The following SI variants were observed in gnomAD, a reference collection of about 807,000 sequenced individuals.
SI encodes the protein sucrase-isomaltase, intestinal.
Under a neutral mutation model 253.3 loss-of-function variants are expected in SI, and 235 were observed. The ratio of observed to expected loss-of-function variants is 0.93; its 90% CI spans 0.83 to 1.03. SI has a LOEUF of 1.03. SI is among the 50% of genes least tolerant of loss of function. The probability of loss-of-function intolerance (pLI) is 0.00; values close to 1 mark genes in which losing one functional copy is unlikely to be tolerated. For synonymous variants in SI, 819 were observed against 712.0 expected (o/e 1.15, Z -2.39); for missense variants, 2,442 against 2,211.1 (o/e 1.10, Z -2.09).
At chr3:165,048,988 A>G (rs1713283417) in intron 15 of SI, 139 bp downstream of exon 15, 1 of 674,920 alleles carries the variant, frequency 1.5e-6, no homozygotes, top group Non-Finnish European at 2.7e-6. Flanking sequence ...TTTGAATGCC[A>G]TAACTTTTTA....
At chr3:165,069,804 A>C in intron 3 of SI, among the ~76,000 whole-genome samples, 1 of 152,034 alleles carries the variant, frequency 6.6e-6, no homozygotes, top group South Asian at 2.1e-4. Flanking sequence ...TGAAAGAAAA[A>C]TTATAAATGT....
At chr3:164,998,035 G>A (rs973580250) in intron 38 of SI, among the ~76,000 whole-genome samples, 41 of 151,732 alleles carry the variant, frequency 2.7e-4, no homozygotes, top group African/African-American at 9.2e-4. Context: ...ATTCCTCTGG[G>A]TATATAACCA....
chr3:164,994,249 G>A lies in SI; in HGVS notation c.4841+8C>T. 1 of 1,609,130 alleles carries A rather than the reference G, an allele frequency of 6.2e-7. No individual in the cohort carries two copies. Among genetic ancestry groups the A allele is most frequent in the Admixed American group, 1.7e-5 (1 of 59,688 alleles). Reference sequence around the variant, plus strand: ...TCTGTGATAAGAGAAAACAAACTTTGTACTTACTCATGCAAAAGGGGTCGG... The same window carrying A: ...TCTGTGATAAGAGAAAACAAACTTTATACTTACTCATGCAAAAGGGGTCGG... On this transcript the variant is annotated splice_region_variant and intron_variant, in intron 41 of 47. Transcript: ENST00000264382.
At chr3:164,998,497 T>G in intron 38 of SI, 43 bp downstream of exon 38, 2 of 1,603,776 alleles carry the variant, frequency 1.2e-6, no homozygotes, top group South Asian at 2.2e-5. Context: ...GAGTATCTAA[T>G]AGAAAACACA....
intron 25 of SI, among the ~76,000 whole-genome samples, chr3:165,027,659 T>C (rs1027196417): frequency 4.0e-5 from 6 of 151,386 alleles, no homozygotes; most frequent in Admixed American, 1.3e-4. Context: ...GTTTCACATA[T>C]GCAAGTCAAT....
intron 17 of SI, among the ~76,000 whole-genome samples, chr3:165,041,754 T>C (rs144661596): frequency 1.1e-3 from 174 of 152,226 alleles, no homozygotes; most frequent in Non-Finnish European, 2.0e-3. Context: ...TGTTTAGACC[T>C]CTTGCTTTGG....
Position 164,994,386 on chromosome 3 carries a change from C to A in SI, c.4712G>T (p.Trp1571Leu). ...TGACATTTCAGCAAAAGTTTCATTCCAGGAAGCGGGATCTTGTCTCTGAAA... is the reference window on the plus strand; with the variant it reads ...TGACATTTCAGCAAAAGTTTCATTCAAGGAAGCGGGATCTTGTCTCTGAAA... Reference protein sequence around the residue: ...ANTRRQDPASWNETFAEMSRN... With the variant: ...ANTRRQDPASLNETFAEMSRN... The change falls in exon 41 of 48, where the codon TGG becomes TTG. Residue 1571 changes from tryptophan to leucine, a missense_variant. Physicochemically the swap from Trp to Leu is moderately conservative, Grantham distance 61. Coordinates refer to ENST00000264382, the MANE Select transcript of SI (RefSeq NM_001041.4). 6.2e-7 allele frequency: 1 copy of A among 1,610,762 alleles called. No individual in the cohort carries two copies. The highest frequency in any genetic ancestry group is 8.5e-7 in the Non-Finnish European group (1 of 1,177,674).
intron 25 of SI, among the ~76,000 whole-genome samples, chr3:165,029,733 A>G (rs1576896124): frequency 6.7e-6 from 1 of 150,090 alleles, no homozygotes; most frequent in East Asian, 2.0e-4. Context: ...AATTGTTCCC[A>G]CCTGTCCTTT....
At chr3:165,049,650 G>T (rs1713327584) in intron 14 of SI, 141 bp downstream of exon 14, 2 of 619,918 alleles carry the variant, frequency 3.2e-6, no homozygotes, top group African/African-American at 3.7e-5. Context: ...ATATTTGTCT[G>T]AAGAAAAGAT....
Position 165,075,883 on chromosome 3 carries a change from T to TGGTTG in SI, c.118+11_118+12insCAACC, listed in dbSNP as rs1442825282. 7.1e-7 allele frequency: 1 copy of TGGTTG among 1,417,900 alleles called. No individual in the cohort carries two copies. Among genetic ancestry groups the TGGTTG allele is most frequent in the South Asian group, 1.2e-5 (1 of 86,684 alleles). 87.8% of individuals were successfully genotyped at this position (1,417,900 alleles called of 1,614,324 possible). On this transcript the variant is annotated intron_variant, in intron 2 of 47. Transcript: ENST00000264382. ...CACGATAATGTAGCCATGCTTTTAA[T>TGGTTG]GTACTACTTACCATCAACAGCAGGT...
intron 22 of SI, among the ~76,000 whole-genome samples, chr3:165,035,691 AT>A (rs971865755): frequency 1.3e-5 from 2 of 151,492 alleles, no homozygotes; most frequent in Non-Finnish European, 3.0e-5. Context: ...ATAAATTATA[AT>A]TTTTATACTC....
At chr3:165,070,195 G>A (rs1714471374) in intron 3 of SI, among the ~76,000 whole-genome samples, 1 of 140,810 alleles carries the variant, frequency 7.1e-6, no homozygotes, top group East Asian at 2.0e-4. Context: ...TATATATAAA[G>A]TATATATTAT....
chr3:165,030,739 G>T lies in SI; in HGVS notation c.2865C>A (p.Cys955Ter), dbSNP rs2108202378. 6.2e-7 allele frequency: 1 copy of T among 1,608,882 alleles called. No individual in the cohort carries two copies. The highest frequency in any genetic ancestry group is 8.5e-7 in the Non-Finnish European group (1 of 1,176,766). Reference protein sequence around the residue: ...PDADLATEQKCTQRGCVWRTG... With the variant: ...PDADLATEQK ...TTCTCCATACACAGCCACGTTGTGT[G>T]CACTTTTGTTCAGTTGCCAAATCTG... The change falls in exon 25 of 48, where the codon TGC (cysteine) becomes TGA (stop). Residue 955 changes from cysteine (C) to a stop codon, truncating the protein, a stop_gained. Coordinates refer to ENST00000264382, the MANE Select transcript of SI (RefSeq NM_001041.4). LOFTEE classifies it high-confidence loss of function.
chr3:165,048,594 G>C (rs1418245885), intron 15 of SI, among the ~76,000 whole-genome samples: 1 of 147,674 alleles, frequency 6.8e-6, no homozygotes. Flanking sequence ...TAGAGAGAGA[G>C]AGAGAGAGAG....
intron 13 of SI, among the ~76,000 whole-genome samples, chr3:165,050,167 G>C (rs1713354108): frequency 6.6e-6 from 1 of 151,956 alleles, no homozygotes; most frequent in South Asian, 2.1e-4. Context: ...ATAGCTGTTA[G>C]TCTTCTCATT....
rs2108125824 is a variant in SI at position 164,991,414 on chromosome 3, G to T, written c.5047C>A (p.Leu1683Ile). The T allele has an allele frequency of 1.9e-6, 3 of 1,613,430 alleles. No homozygotes were observed. Among genetic ancestry groups the T allele is most frequent in the African/African-American group, 1.3e-5 (1 of 74,994 alleles). The stretch of plus-strand genomic sequence containing the variant: ...AGGATGTGACCACCACGGACATGTA[G>T]GTTTATTGTGTCATAAGAAGCATTA... ...TFNASYDTIN[L>I]HVRGGHILPC... The change falls in exon 44 of 48, where the codon CTA (leucine) becomes ATA (isoleucine). Residue 1683 changes from leucine to isoleucine, a missense_variant. Leu to Ile is a conservative substitution (Grantham distance 5). Transcript: ENST00000264382.
At chr3:165,079,403 T>C (rs774432448), upstream of SI, among the ~76,000 whole-genome samples, 6 of 151,796 alleles carry the variant, frequency 4.0e-5, no homozygotes, top group East Asian at 1.9e-4. Flanking sequence ...TAAAATAATG[T>C]GTTTGCATAA....
chr3:165,059,378 C>A, intron 10 of SI, 79 bp from the exon 11 acceptor site: 3 of 1,347,432 alleles, frequency 2.2e-6, no homozygotes, highest in Non-Finnish European at 3.2e-6. Context: ...CTCCATTGAA[C>A]GTGTATTATA....
chr3:164,982,222 A>T lies in SI; in HGVS notation c.5415+21T>A. 4.4e-6 allele frequency: 7 copies of T among 1,600,564 alleles called. No homozygotes were observed. The South Asian group carries it at 7.7e-5, about 18-fold the overall frequency. Reference sequence around the variant, plus strand: ...CTTTAAATACGTACGCTTTTGAAAAATATTTTCTTACATTACTTACCATGT... The same window carrying T: ...CTTTAAATACGTACGCTTTTGAAAATTATTTTCTTACATTACTTACCATGT... On this transcript the variant is annotated intron_variant, in intron 47 of 47. Coordinates refer to ENST00000264382, the MANE Select transcript of SI (RefSeq NM_001041.4).
Sources: allele counts gnomAD v4.1 joint callset (sites outside exome capture counted in the v4.1 genomes callset), GRCh38; gene constraint gnomAD v4.1.1; transcripts MANE v1.5; gene names NCBI Gene and HGNC (gene_info 2026-07-23, HGNC 2026-07-21).